GRIN2A: variants seen among roughly 807,000 people sequenced by gnomAD.
GRIN2A encodes glutamate ionotropic receptor NMDA type subunit 2A.
A neutral mutation model predicts 113.4 loss-of-function variants in GRIN2A; 22 were observed. The observed-to-expected ratio is 0.19, with a 90% confidence interval of 0.14 to 0.28. GRIN2A has a LOEUF of 0.28. Among genes scored for constraint, GRIN2A ranks in the 10% least tolerant of loss-of-function variants. The pLI is 1.00. For synonymous variants in GRIN2A, 827 were observed against 738.4 expected, an observed-to-expected ratio of 1.12 and a Z score of -1.94; for missense variants, 1,502 against 1,887.0, an observed-to-expected ratio of 0.80 and a Z score of 3.78.
intron 3 of GRIN2A, among the ~76,000 whole-genome samples, chr16:9,901,522 C>A (rs995461595): frequency 6.6e-6 from 1 of 152,110 alleles, no homozygotes; most frequent in South Asian, 2.1e-4. Context: ...TGCAATGGTG[C>A]GACCTCGGCT....
Position 9,834,089 on chromosome 16 carries a change from A to G in GRIN2A, c.1777+16T>C, listed in dbSNP as rs894597794. The G allele has an allele frequency of 1.2e-6, 2 of 1,611,210 alleles. No individual in the cohort carries two copies. The highest frequency in any genetic ancestry group is 2.7e-5 in the African/African-American group (2 of 74,868). ...ATTGCAACAACATTGAATCATGCTC[A>G]TGAAGGTACCCTTACCTTTCCCTTT... On this transcript the variant is annotated intron_variant, in intron 8 of 12. Coordinates refer to ENST00000330684, the MANE Select transcript of GRIN2A (RefSeq NM_001134407.3).
intron 2 of GRIN2A, among the ~76,000 whole-genome samples, chr16:10,084,894 A>G (rs2048057675): frequency 6.6e-6 from 1 of 152,218 alleles, no homozygotes; most frequent in Non-Finnish European, 1.5e-5. Context: ...CTACTGACAC[A>G]TAGATCAATA....
intron 2 of GRIN2A, among the ~76,000 whole-genome samples, chr16:9,958,851 T>C (rs1414440626): frequency 6.6e-6 from 1 of 152,160 alleles, no homozygotes; most frequent in Non-Finnish European, 1.5e-5. Context: ...GATACAAGCA[T>C]GGGCTTGTTC....
chr16:10,181,802 C>G (rs2050278046), intron 1 of GRIN2A, 75 bp downstream of exon 1: 1 of 153,136 alleles, frequency 6.5e-6, no homozygotes, highest in Non-Finnish European at 1.5e-5. Flanking sequence ...TAGCCTGATC[C>G]CTCTCCCGCT....
chr16:10,011,446 T>G (rs558812417), intron 2 of GRIN2A, among the ~76,000 whole-genome samples: 7 of 152,110 alleles, frequency 4.6e-5, no homozygotes, highest in Non-Finnish European at 8.8e-5. Context: ...CCTTGGTGGG[T>G]CCATCAGTCT....
chr16:10,129,257 T>C (rs957018993), intron 2 of GRIN2A, among the ~76,000 whole-genome samples: 3 of 152,168 alleles, frequency 2.0e-5, no homozygotes, highest in Non-Finnish European at 4.4e-5. Flanking sequence ...TTTTAGTTTT[T>C]AGTAGAGACA....
intron 2 of GRIN2A, among the ~76,000 whole-genome samples, chr16:9,963,109 C>T (rs535813759): frequency 5.3e-4 from 63 of 119,320 alleles, no homozygotes; most frequent in Non-Finnish European, 8.2e-4. Flanking sequence ...CATCACACAT[C>T]GGGGACTGTT....
At chr16:9,949,495 G>A (rs1450799040) in intron 2 of GRIN2A, among the ~76,000 whole-genome samples, 6 of 151,244 alleles carry the variant, frequency 4.0e-5, no homozygotes, top group African/African-American at 1.5e-4. Context: ...AGATGGATAG[G>A]GTAGATGGAT....
intron 2 of GRIN2A, among the ~76,000 whole-genome samples, chr16:10,107,800 G>C (rs1430832550): frequency 6.6e-6 from 1 of 152,164 alleles, no homozygotes; most frequent in Non-Finnish European, 1.5e-5. Context: ...GATTTCATAA[G>C]CAACAAAAAG....
At chr16:9,927,427 G>A (rs1339420812) in intron 3 of GRIN2A, among the ~76,000 whole-genome samples, 3 of 152,180 alleles carry the variant, frequency 2.0e-5, no homozygotes, top group Non-Finnish European at 2.9e-5. Flanking sequence ...TTGAGGTAAC[G>A]AGGAAGTCAG....
chr16:10,166,260 A>G (rs1196988266), intron 2 of GRIN2A, among the ~76,000 whole-genome samples: 2 of 152,262 alleles, frequency 1.3e-5, no homozygotes, highest in Non-Finnish European at 2.9e-5. Flanking sequence ...TGTGACAACA[A>G]AACGGAAATC....
intron 2 of GRIN2A, among the ~76,000 whole-genome samples, chr16:10,134,224 G>T: frequency 6.7e-6 from 1 of 149,680 alleles, no homozygotes; most frequent in Non-Finnish European, 1.5e-5. Flanking sequence ...AAAATGGAGA[G>T]GAGAGATTCA....
At chr16:10,017,946 C>T (rs2046641665) in intron 2 of GRIN2A, among the ~76,000 whole-genome samples, 1 of 152,180 alleles carries the variant, frequency 6.6e-6, no homozygotes, top group Non-Finnish European at 1.5e-5. Context: ...GCATTAATTT[C>T]TATTCTCTAA....
chr16:9,956,059 A>C (rs1281741683), intron 2 of GRIN2A, among the ~76,000 whole-genome samples: 1 of 152,182 alleles, frequency 6.6e-6, no homozygotes, highest in Non-Finnish European at 1.5e-5. Flanking sequence ...CAAGACACAA[A>C]ACAATTCTCA....
At chr16:9,850,250 T>TA (rs1380498012) in intron 4 of GRIN2A, among the ~76,000 whole-genome samples, 1 of 152,174 alleles carries the variant, frequency 6.6e-6, no homozygotes, top group Non-Finnish European at 1.5e-5. Context: ...TCTAATGTTC[T>TA]GCCAGAGTTC....
At chr16:10,046,039 C>A (rs1167340965) in intron 2 of GRIN2A, among the ~76,000 whole-genome samples, 3 of 152,168 alleles carry the variant, frequency 2.0e-5, no homozygotes, top group Non-Finnish European at 2.9e-5. Context: ...TATTACCCTT[C>A]GGGGAGGGAA....
chr16:9,837,440 G>A (rs1383637125), intron 7 of GRIN2A, among the ~76,000 whole-genome samples: 1 of 152,160 alleles, frequency 6.6e-6, no homozygotes, highest in African/African-American at 2.4e-5. Flanking sequence ...AAACTGGGTT[G>A]AGGCCAGATT....
intron 2 of GRIN2A, among the ~76,000 whole-genome samples, chr16:10,146,558 C>G (rs1356192499): frequency 6.6e-6 from 1 of 151,934 alleles, no homozygotes; most frequent in Non-Finnish European, 1.5e-5. Flanking sequence ...CTGTGCTTAG[C>G]CAGTGAGGGA....
chr16:9,896,071 A>G (rs889896454), intron 3 of GRIN2A, among the ~76,000 whole-genome samples: 1 of 151,770 alleles, frequency 6.6e-6, no homozygotes. Flanking sequence ...TTTTTTGGAA[A>G]CAGGGTCTCA....
Sources: gnomAD v4.1 joint callset for allele counts (sites outside exome capture counted in the v4.1 genomes callset) on GRCh38, gnomAD v4.1.1 for gene constraint, MANE v1.5 for transcripts, NCBI Gene and HGNC (gene_info 2026-07-23, HGNC 2026-07-21) for gene names.